The following KSR2 variants were observed in gnomAD, a reference collection of about 807,000 sequenced individuals.
KSR2 encodes the protein kinase suppressor of ras 2.
Under a neutral mutation model 107.8 loss-of-function variants are expected in KSR2, and 25 were observed. That is an observed-to-expected ratio of 0.23 (90% confidence interval 0.17 to 0.32). The LOEUF (loss-of-function observed/expected upper bound fraction) is 0.32. Ranked by LOEUF, KSR2 falls within the 10% of genes least tolerant of loss-of-function variation. KSR2 has a pLI of 1.00. For synonymous variants in KSR2, 480 were observed against 507.0 expected (o/e 0.95, Z 0.71); for missense variants, 887 against 1,268.9 (o/e 0.70, Z 4.57).
At chr12:117,500,234 C>T (rs778469352) in intron 14 of KSR2, among the ~76,000 whole-genome samples, 7 of 152,094 alleles carry the variant, frequency 4.6e-5, no homozygotes, top group Non-Finnish European at 8.8e-5. Context: ...ATGGAGAAAC[C>T]GGAATGCAGA....
At chr12:117,959,725 G>A (rs925774457) in intron 1 of KSR2, among the ~76,000 whole-genome samples, 5 of 152,152 alleles carry the variant, frequency 3.3e-5, no homozygotes, top group African/African-American at 1.2e-4. Flanking sequence ...GAGCCCAGGA[G>A]TTGGAGACCA....
At chr12:117,851,242 A>T (rs372751544) in intron 3 of KSR2, among the ~76,000 whole-genome samples, 1 of 152,152 alleles carries the variant, frequency 6.6e-6, no homozygotes, top group Non-Finnish European at 1.5e-5. Context: ...AGGGAGGCCT[A>T]TGTGGAGGTA....
rs75293653 is a variant in KSR2 at position 117,667,837 on chromosome 12, C to T, written c.987-179G>A. 6.9e-3 allele frequency among the ~76,000 whole-genome samples: 1,046 copies of T among 152,264 alleles called. 15 individuals are homozygous for T. The highest frequency in any genetic ancestry group is 0.024 in the African/African-American group (987 of 41,536). On this transcript the variant is annotated intron_variant, in intron 4 of 19. Transcript: ENST00000339824. ...GCTGGGCAAAAAGGGTTTACCCTCTCACCCCTAGGTCCCTCTAAGAAGCTC... is the reference window on the plus strand; with the variant it reads ...GCTGGGCAAAAAGGGTTTACCCTCTTACCCCTAGGTCCCTCTAAGAAGCTC...
At chr12:117,722,024 G>A (rs564200895) in intron 4 of KSR2, among the ~76,000 whole-genome samples, 14 of 152,068 alleles carry the variant, frequency 9.2e-5, no homozygotes, top group Admixed American at 7.9e-4. Flanking sequence ...AGAATTAAAT[G>A]TGTAATTCCA....
At chr12:117,784,163 G>A (rs1033431013) in intron 3 of KSR2, among the ~76,000 whole-genome samples, 1 of 152,078 alleles carries the variant, frequency 6.6e-6, no homozygotes, top group Admixed American at 6.6e-5. Context: ...ATATGGCTTG[G>A]CTGTGTCCCC....
At chr12:117,661,520 G>T (rs1353433021) in intron 5 of KSR2, among the ~76,000 whole-genome samples, 1 of 152,192 alleles carries the variant, frequency 6.6e-6, no homozygotes, top group African/African-American at 2.4e-5. Flanking sequence ...GGACCTGGAA[G>T]TCCCCTGTGT....
chr12:117,602,593 T>A (rs1274414457), intron 5 of KSR2, among the ~76,000 whole-genome samples: 1 of 152,252 alleles, frequency 6.6e-6, no homozygotes, highest in Admixed American at 6.5e-5. Flanking sequence ...TATGGCTGAA[T>A]AATATTTCAT....
rs575323621 is a variant in KSR2 at position 117,925,335 on chromosome 12, G to A, written c.180+42741C>T. On this transcript the variant is annotated intron_variant, in intron 1 of 19. Coordinates refer to ENST00000339824, the MANE Select transcript of KSR2 (RefSeq NM_173598.6). ...GATGGGGTTTCACCACGTTGCCCAGGCTGGTCTCGAACTCCTGGCCTCAAG... is the reference window on the plus strand; with the variant it reads ...GATGGGGTTTCACCACGTTGCCCAGACTGGTCTCGAACTCCTGGCCTCAAG... Among the ~76,000 whole-genome samples the A allele has an allele frequency of 9.9e-5, 15 of 151,646 alleles. No homozygotes were observed. In the South Asian group the frequency reaches 2.9e-3, roughly 30 times the overall value.
chr12:117,582,618 C>T (rs1366411614), intron 5 of KSR2, among the ~76,000 whole-genome samples: 10 of 152,210 alleles, frequency 6.6e-5, no homozygotes, highest in African/African-American at 1.9e-4. Context: ...CTTCCATTTA[C>T]GGAGTGCTTG....
rs150582946 is a variant in KSR2, at chr12:117,467,270, G to A, written c.2847-65C>T. 2,718 of 662,782 alleles carry A rather than the reference G, an allele frequency of 4.1e-3. 41 individuals carry two copies. Among genetic ancestry groups the A allele is most frequent in the South Asian group, 0.023 (1,247 of 53,524 alleles). 41.1% of individuals were successfully genotyped at this position (662,782 alleles called of 1,614,324 possible). A position where few individuals can be genotyped will look rare whatever the true frequency, so the allele number is the denominator to read the frequency against. On this transcript the variant is annotated intron_variant, in intron 19 of 19. Transcript: ENST00000339824. ...CAAGGACATGATGATGTCATCCGTT[G>A]TGAATGACACCCTCTCAGTGGGCCA...
At chr12:117,851,782 T>A (rs1892934285) in intron 3 of KSR2, among the ~76,000 whole-genome samples, 1 of 151,834 alleles carries the variant, frequency 6.6e-6, no homozygotes, top group Non-Finnish European at 1.5e-5. Context: ...TCCCAGCTAC[T>A]CAGGAGGCTG....
At chr12:117,643,953 T>C (rs771020324) in intron 5 of KSR2, among the ~76,000 whole-genome samples, 12 of 152,170 alleles carry the variant, frequency 7.9e-5, no homozygotes, top group Non-Finnish European at 1.6e-4. Context: ...GATCCTTGGA[T>C]GGGGTGTGGC....
chr12:117,782,622 C>T (rs753772901), intron 3 of KSR2, among the ~76,000 whole-genome samples: 15 of 152,110 alleles, frequency 9.9e-5, no homozygotes, highest in South Asian at 2.1e-4. Flanking sequence ...AGACATTTTG[C>T]GAGTACCACC....
chr12:117,768,448 C>T (rs866861172), intron 3 of KSR2, among the ~76,000 whole-genome samples: 1 of 152,206 alleles, frequency 6.6e-6, no homozygotes, highest in Admixed American at 6.5e-5. Flanking sequence ...ACCTGCCACT[C>T]CTGTCCATGT....
chr12:117,855,978 C>G (rs1248327247), intron 2 of KSR2, among the ~76,000 whole-genome samples: 1 of 152,158 alleles, frequency 6.6e-6, no homozygotes, highest in Non-Finnish European at 1.5e-5. Flanking sequence ...AATCCCAGCA[C>G]AAACTCAGAG....
At chr12:117,696,666 C>T (rs1886072222) in intron 4 of KSR2, among the ~76,000 whole-genome samples, 1 of 152,072 alleles carries the variant, frequency 6.6e-6, no homozygotes, top group South Asian at 2.1e-4. Context: ...TGCCATTCTC[C>T]CAAAGGGCCC....
chr12:117,662,446 G>A (rs1349265519), intron 5 of KSR2, among the ~76,000 whole-genome samples: 2 of 152,160 alleles, frequency 1.3e-5, no homozygotes, highest in African/African-American at 4.8e-5. Flanking sequence ...GCTACCTGCT[G>A]CCTTCCTCGA....
chr12:117,764,867 T>C (rs1301684302), intron 3 of KSR2, among the ~76,000 whole-genome samples: 1 of 152,084 alleles, frequency 6.6e-6, no homozygotes, highest in East Asian at 1.9e-4. Context: ...TAAACAATAA[T>C]AAAACCTAAT....
chr12:117,734,619 A>T (rs940051707), intron 4 of KSR2, among the ~76,000 whole-genome samples: 4 of 152,122 alleles, frequency 2.6e-5, no homozygotes, highest in African/African-American at 9.7e-5. Context: ...CTGACTTATC[A>T]TTCTTTTCTG....
Sources: allele counts gnomAD v4.1 joint callset (sites outside exome capture counted in the v4.1 genomes callset), GRCh38; gene constraint gnomAD v4.1.1; transcripts MANE v1.5; gene names NCBI Gene and HGNC (gene_info 2026-07-23, HGNC 2026-07-21).